Variants in SCN3B observed in about 807,000 individuals in gnomAD.
SCN3B encodes sodium voltage-gated channel beta subunit 3.
A neutral mutation model predicts 25.4 loss-of-function variants in SCN3B; 11 were observed. That is an observed-to-expected ratio of 0.43 (90% CI 0.27 to 0.72). The LOEUF is 0.72. Among genes scored for constraint, SCN3B ranks in the 30% least tolerant of loss-of-function variants. SCN3B has a pLI of 0.18. For missense variants in SCN3B, 218 were observed against 278.3 expected, an observed-to-expected ratio of 0.78 and a Z score of 1.54; for synonymous variants, 109 against 110.7, an observed-to-expected ratio of 0.99 and a Z score of 0.09.
rs1955653209 is a variant in SCN3B at position 123,630,204 on chromosome 11, T to C, written c.*3595A>G. On this transcript the variant is annotated 3_prime_UTR_variant, in exon 7 of 7. Coordinates refer to ENST00000299333, the MANE Select transcript of SCN3B (RefSeq NM_001040151.2). ...AAAGGTCATGCCGTTAAACAAGTGG[T>C]GAGAATAAAGGCTGGGGTAGGGACA... is the stretch of plus-strand genomic sequence containing the variant. 6.6e-6 allele frequency: 1 copy of C among 152,368 alleles called. No individual in the cohort carries two copies. Among genetic ancestry groups the C allele is most frequent in the South Asian group, 2.1e-4 (1 of 4,794 alleles). The allele number at this position is 152,368 out of a possible 1,614,324, so 9.4% of individuals were successfully genotyped here.
At chr11:123,639,906 C>T (rs902192784) in intron 4 of SCN3B, 1 of 152,204 alleles carries the variant, frequency 6.6e-6, no homozygotes, top group Admixed American at 6.5e-5. Context: ...TACTACATGG[C>T]AGATATCCTG....
At chr11:123,644,800 A>AGAGAGAGAGAGAGAG (rs1272015067) in intron 3 of SCN3B, among the ~76,000 whole-genome samples, 2 of 45,576 alleles carry the variant, frequency 4.4e-5, no homozygotes, top group African/African-American at 1.6e-4. Context: ...AGAGAGAGAG[A>AGAGAGAGAGAGAGAG]ATATATATAT....
Position 123,645,627 on chromosome 11 carries a change from A to G in SCN3B, c.179T>C (p.Val60Ala). 1 of 1,614,138 alleles carries G rather than the reference A, an allele frequency of 6.2e-7. No homozygotes were observed. Among genetic ancestry groups the G allele is most frequent in the Non-Finnish European group, 8.5e-7 (1 of 1,180,024 alleles). The change falls in exon 3 of 7, where the codon GTG becomes GCG. Residue 60 changes from valine (V) to alanine (A), a missense_variant. Transcript: ENST00000299333. ...GCCCTCGGGCCTGTAGAACCATTCC[A>G]CCACCGTGGTGGCCTCCACCTCCTC... The part of the protein sequence containing the change: ...KREEVEATTV[V>A]EWFYRPEGGK...
chr11:123,654,135 C>A, intron 1 of SCN3B, 91 bp downstream of exon 1: 1 of 451,650 alleles, frequency 2.2e-6, no homozygotes, highest in Non-Finnish European at 4.1e-6. Context: ...GCCCCTGCCT[C>A]GCTCGTTTGC....
chr11:123,644,807 ATATATATATAT>A (rs1267229150), intron 3 of SCN3B, among the ~76,000 whole-genome samples: 1 of 47,728 alleles, frequency 2.1e-5, no homozygotes, highest in African/African-American at 1.7e-4. Context: ...GAGAATATAT[ATATATATATAT>A]ATATATATAT....
At chr11:123,647,406 A>G (rs559408498) in intron 2 of SCN3B, among the ~76,000 whole-genome samples, 6 of 152,142 alleles carry the variant, frequency 3.9e-5, no homozygotes, top group Non-Finnish European at 8.8e-5. Context: ...TGAGCCCAGG[A>G]GTTTGAGGCT....
Position 123,642,641 on chromosome 11 carries a change from C to T in SCN3B, c.250G>A (p.Val84Met), listed in dbSNP as rs1014663608. 1 of 1,614,166 alleles carries T rather than the reference C, an allele frequency of 6.2e-7. No individual in the cohort carries two copies. Among genetic ancestry groups the T allele is most frequent in the African/African-American group, 1.3e-5 (1 of 75,040 alleles). The change falls in exon 4 of 7, where the codon GTG becomes ATG. Residue 84 changes from valine to methionine, a missense_variant. Transcript: ENST00000299333. This position sits in a 1 kb window ranked among gnomAD's most constrained non-coding sequence, Gnocchi z 4.3. ...AGGCGCCCCTGAAAGGGGCTCTCCA[C>T]CTCCTGGTGGCCATTCCGATACTCG... Reference protein sequence around the residue: ...IYEYRNGHQEVESPFQGRLQW... With the variant: ...IYEYRNGHQEMESPFQGRLQW...
intron 5 of SCN3B, among the ~76,000 whole-genome samples, chr11:123,635,503 T>G (rs1281354820): frequency 6.6e-6 from 1 of 151,884 alleles, no homozygotes; most frequent in East Asian, 1.9e-4. Context: ...GCTAACATGG[T>G]GAAATCCCGT....
In SCN3B at chr11:123,653,980, G is replaced by A. The variant is rs72552156; in HGVS notation, c.-25-154C>T. 3.2e-3 allele frequency: 2,219 copies of A among 701,556 alleles called. 46 individuals are homozygous for A. The African/African-American group carries it at 0.035, about 11-fold the overall frequency. 43.5% of individuals were successfully genotyped at this position (701,556 alleles called of 1,614,324 possible). A position where few individuals can be genotyped will look rare whatever the true frequency, so the allele number is the denominator to read the frequency against. On this transcript the variant is annotated intron_variant, in intron 1 of 6. Coordinates refer to ENST00000299333, the MANE Select transcript of SCN3B (RefSeq NM_001040151.2). ...GAGGCCCTGGGAGCTTTTGGAGCCG[G>A]GTGGGGGCTTTGGGCCCTAAGCGAC...
intron 2 of SCN3B, among the ~76,000 whole-genome samples, chr11:123,646,462 G>A (rs1025318827): frequency 1.3e-5 from 2 of 152,230 alleles, no homozygotes; most frequent in Non-Finnish European, 2.9e-5. Context: ...AATTGTATCT[G>A]TGTTGTGTGA....
intron 5 of SCN3B, among the ~76,000 whole-genome samples, chr11:123,636,496 G>A (rs1042724071): frequency 2.6e-5 from 4 of 152,154 alleles, no homozygotes; most frequent in African/African-American, 9.7e-5. Flanking sequence ...AGGCACTTGA[G>A]GTTTCAACAC....
intron 3 of SCN3B, among the ~76,000 whole-genome samples, chr11:123,643,823 G>C (rs1313483754): frequency 1.3e-5 from 2 of 152,236 alleles, no homozygotes; most frequent in African/African-American, 4.8e-5. Flanking sequence ...GCCTCCTGCA[G>C]CTGGGGGCTA....
intron 5 of SCN3B, among the ~76,000 whole-genome samples, chr11:123,635,973 T>C (rs1217881585): frequency 6.6e-6 from 1 of 152,218 alleles, no homozygotes; most frequent in Non-Finnish European, 1.5e-5. Context: ...ATTAAGTTCT[T>C]TGAGAAATCT....
At chr11:123,644,150 ATTAAC>A (rs1303043622) in intron 3 of SCN3B, among the ~76,000 whole-genome samples, 1 of 152,224 alleles carries the variant, frequency 6.6e-6, no homozygotes, top group Non-Finnish European at 1.5e-5. Flanking sequence ...TGTCTTAGTT[ATTAAC>A]TTAACTTCTT....
At position 123,629,689 on chromosome 11, in the gene SCN3B, T is replaced by C. The variant is rs1209374482; in HGVS notation, c.*4110A>G. On this transcript the variant is annotated 3_prime_UTR_variant, in exon 7 of 7. Coordinates refer to ENST00000299333, the MANE Select transcript of SCN3B (RefSeq NM_001040151.2). ...TGACAGAGTGGGTGCAAAAAGATGT[T>C]AGTAGAATGAGTGGATGATCAGACT... 1.3e-5 allele frequency: 2 copies of C among 152,166 alleles called. No homozygotes were observed. The highest frequency in any genetic ancestry group is 4.8e-5 in the African/African-American group (2 of 41,440). 9.4% of individuals were successfully genotyped at this position (152,166 alleles called of 1,614,324 possible).
In SCN3B at chr11:123,630,081, G is replaced by A. The variant is rs1436162957; in HGVS notation, c.*3718C>T. On this transcript the variant is annotated 3_prime_UTR_variant, in exon 7 of 7. Transcript: ENST00000299333. The stretch of plus-strand genomic sequence containing the variant: ...TCCCAGCACATTCCTGCTTTGAAAA[G>A]TAACTTTCCTAGTAATATTTCTAGT... 1 of 152,170 alleles carries A rather than the reference G, an allele frequency of 6.6e-6. No homozygotes were observed. The highest frequency in any genetic ancestry group is 1.5e-5 in the Non-Finnish European group (1 of 68,030). The allele number at this position is 152,170 out of a possible 1,614,324, so 9.4% of individuals were successfully genotyped here.
intron 3 of SCN3B, 144 bp downstream of exon 3, chr11:123,645,443 G>T: frequency 1.1e-6 from 1 of 913,828 alleles, no homozygotes; most frequent in Non-Finnish European, 1.8e-6. Context: ...CACTAAGGCT[G>T]TCAGTTATCT....
Position 123,654,104 on chromosome 11 carries a change from G to A in SCN3B, c.-26+122C>T, listed in dbSNP as rs1284768362. On this transcript the variant is annotated intron_variant, in intron 1 of 6. Coordinates refer to ENST00000299333, the MANE Select transcript of SCN3B (RefSeq NM_001040151.2). ...GGACAGTCGCCTCCCCGCCCACCCCGGAACTCCAGCTTCCACTCGCGCCCC... is the reference window on the plus strand; with the variant it reads ...GGACAGTCGCCTCCCCGCCCACCCCAGAACTCCAGCTTCCACTCGCGCCCC... 1.6e-5 allele frequency: 8 copies of A among 513,142 alleles called. No individual in the cohort carries two copies. The Middle Eastern group carries it at 1.6e-3, about 104-fold the overall frequency. 31.8% of individuals were successfully genotyped at this position (513,142 alleles called of 1,614,324 possible).
chr11:123,635,554 C>T (rs1249234386), intron 5 of SCN3B, among the ~76,000 whole-genome samples: 5 of 151,980 alleles, frequency 3.3e-5, no homozygotes, highest in Non-Finnish European at 7.4e-5. Context: ...GGCGTGGTGG[C>T]AGGTGCCTGT....
Sources: allele counts gnomAD v4.1 joint callset (sites outside exome capture counted in the v4.1 genomes callset), GRCh38; gene constraint gnomAD v4.1.1; non-coding constraint Gnocchi (gnomAD v3.1); transcripts MANE v1.5; gene names NCBI Gene and HGNC (gene_info 2026-07-23, HGNC 2026-07-21).